DPP4: variants seen among roughly 807,000 people sequenced by gnomAD.
The protein encoded by DPP4 is ADCP-2.
A neutral mutation model predicts 122.4 loss-of-function variants in DPP4; 93 were observed. The ratio of observed to expected loss-of-function variants is 0.76; its 90% CI spans 0.64 to 0.90. The LOEUF is 0.90. Ranked by LOEUF, DPP4 falls within the 40% of genes least tolerant of loss-of-function variation. The probability of loss-of-function intolerance (pLI) is 0.00; values close to 1 mark genes in which losing one functional copy is unlikely to be tolerated. For synonymous variants in DPP4, 321 were observed against 302.9 expected, an observed-to-expected ratio of 1.06 and a Z score of -0.62; for missense variants, 914 against 907.3, an observed-to-expected ratio of 1.01 and a Z score of -0.09.
At chr2:162,023,897 C>T (rs1372560044) in intron 11 of DPP4, among the ~76,000 whole-genome samples, 3 of 152,170 alleles carry the variant, frequency 2.0e-5, no homozygotes, top group Non-Finnish European at 4.4e-5. Flanking sequence ...CCAACTAGAA[C>T]AGAAACATTT....
intron 22 of DPP4, among the ~76,000 whole-genome samples, chr2:162,007,135 G>A (rs1358327122): frequency 1.3e-5 from 2 of 151,784 alleles, no homozygotes; most frequent in African/African-American, 4.8e-5. Flanking sequence ...ATATTTAAAG[G>A]ACACTAATAT....
At chr2:162,028,334 C>T (rs139037139) in intron 10 of DPP4, among the ~76,000 whole-genome samples, 1 of 152,248 alleles carries the variant, frequency 6.6e-6, no homozygotes, top group East Asian at 1.9e-4. Context: ...TGCACTCCAG[C>T]CTGGGTGACA....
chr2:162,001,497 T>C (rs1701146379), intron 23 of DPP4, among the ~76,000 whole-genome samples: 1 of 152,234 alleles, frequency 6.6e-6, no homozygotes, highest in African/African-American at 2.4e-5. Flanking sequence ...TTTTATTACC[T>C]ACTCTCTTTT....
chr2:162,035,631 A>G (rs1683740898), intron 8 of DPP4, among the ~76,000 whole-genome samples: 1 of 152,146 alleles, frequency 6.6e-6, no homozygotes, highest in Non-Finnish European at 1.5e-5. Flanking sequence ...GCCTCAAAAC[A>G]TACTAAAAGT....
At chr2:162,027,140 C>T (rs1245899937) in intron 10 of DPP4, among the ~76,000 whole-genome samples, 1 of 152,090 alleles carries the variant, frequency 6.6e-6, no homozygotes, top group Admixed American at 6.6e-5. Context: ...CACCTGAGGT[C>T]AGGAGTTCAA....
intron 2 of DPP4, among the ~76,000 whole-genome samples, chr2:162,049,002 A>G (rs896662538): frequency 2.6e-5 from 4 of 152,200 alleles, no homozygotes; most frequent in African/African-American, 9.6e-5. Context: ...CTCTTCTCCA[A>G]TCCCAGAGTA....
intron 10 of DPP4, among the ~76,000 whole-genome samples, chr2:162,027,977 G>T (rs1393106657): frequency 2.7e-5 from 4 of 150,356 alleles, no homozygotes; most frequent in South Asian, 2.1e-4. Flanking sequence ...AGGAATTTTT[G>T]AATTTTCTTA....
intron 22 of DPP4, 92 bp downstream of exon 22, chr2:162,008,469 TA>T: frequency 1.8e-6 from 2 of 1,086,504 alleles, no homozygotes; most frequent in South Asian, 1.3e-5. Context: ...TTATTCGCTG[TA>T]AAAACACTGA....
At chr2:162,073,331 T>C (rs1685184274) in intron 2 of DPP4, 68 bp downstream of exon 2, 1 of 1,530,522 alleles carries the variant, frequency 6.5e-7, no homozygotes, top group East Asian at 2.3e-5. Flanking sequence ...TCGTTTCCCT[T>C]AGCGTGGTAA....
At chr2:162,029,131 A>G (rs1422372731) in intron 10 of DPP4, among the ~76,000 whole-genome samples, 2 of 152,228 alleles carry the variant, frequency 1.3e-5, no homozygotes, top group Non-Finnish European at 1.5e-5. Flanking sequence ...AAATCACACA[A>G]CAGAGAATCC....
intron 2 of DPP4, among the ~76,000 whole-genome samples, chr2:162,071,880 T>A (rs147006147): frequency 3.3e-5 from 5 of 152,334 alleles, no homozygotes; most frequent in Admixed American, 6.5e-5. Flanking sequence ...CTCAAGTGGC[T>A]TATCAAAGTA....
intron 2 of DPP4, among the ~76,000 whole-genome samples, chr2:162,061,056 G>C (rs1301425819): frequency 8.2e-6 from 1 of 122,236 alleles, no homozygotes; most frequent in East Asian, 2.8e-4. Flanking sequence ...TTTTTTACTT[G>C]AAACAGGGTC....
chr2:162,035,385 C>G (rs956660189), intron 8 of DPP4, 61 bp from the exon 9 acceptor site: 12 of 1,511,660 alleles, frequency 7.9e-6, no homozygotes, highest in African/African-American at 1.4e-5. Flanking sequence ...CTTTGGCATT[C>G]AAAATATTGT....
chr2:162,008,464 C>T (rs1377161920), intron 22 of DPP4, 98 bp downstream of exon 22: 23 of 967,344 alleles, frequency 2.4e-5, no homozygotes, highest in African/African-American at 1.1e-4. Flanking sequence ...GCCTATTATT[C>T]GCTGTAAAAA....
At chr2:162,013,832 A>G (rs1682802707) in intron 19 of DPP4, among the ~76,000 whole-genome samples, 1 of 152,194 alleles carries the variant, frequency 6.6e-6, no homozygotes. Context: ...AATATTTTAC[A>G]AAGCTGTCAT....
At chr2:162,061,253 G>A (rs1163768162) in intron 2 of DPP4, among the ~76,000 whole-genome samples, 1 of 152,114 alleles carries the variant, frequency 6.6e-6, no homozygotes, top group South Asian at 2.1e-4. Flanking sequence ...TGTGGTTAAG[G>A]ATGCAGAGTG....
At chr2:162,073,630 G>T in intron 1 of DPP4, 144 bp from the exon 2 acceptor site, 1 of 769,282 alleles carries the variant, frequency 1.3e-6, no homozygotes, top group Non-Finnish European at 2.2e-6. Context: ...GGGTGGGGGT[G>T]GCGTCTGGAG....
At chr2:162,024,116 C>T (rs1269572399) in intron 11 of DPP4, among the ~76,000 whole-genome samples, 1 of 152,206 alleles carries the variant, frequency 6.6e-6, no homozygotes, top group Admixed American at 6.5e-5. Context: ...GGGTCTGTGA[C>T]TAGATAAGGG....
At chr2:162,008,819 A>G (rs941280504) in intron 21 of DPP4, among the ~76,000 whole-genome samples, 158 bp from the exon 22 acceptor site, 3 of 152,202 alleles carry the variant, frequency 2.0e-5, no homozygotes, top group Non-Finnish European at 4.4e-5. Flanking sequence ...ATTGGACAGT[A>G]TCTTTAAAGA....
Sources: gnomAD v4.1 joint callset for allele counts (sites outside exome capture counted in the v4.1 genomes callset) on GRCh38, gnomAD v4.1.1 for gene constraint, MANE v1.5 for transcripts, NCBI Gene and HGNC (gene_info 2026-07-23, HGNC 2026-07-21) for gene names.